Variants in FGF12 observed in about 807,000 individuals in gnomAD.
FGF12 encodes the protein fibroblast growth factor 12, also known as fibroblast growth factor 12B.
A neutral mutation model predicts 23.6 loss-of-function variants in FGF12; 14 were observed. The ratio of observed to expected loss-of-function variants is 0.59; its 90% CI spans 0.39 to 0.93. The LOEUF (loss-of-function observed/expected upper bound fraction) is 0.93, where lower values mean the gene tolerates loss of function less well. FGF12 is among the 40% of genes least tolerant of loss of function. The probability of loss-of-function intolerance (pLI) is 0.00; values close to 1 mark genes in which losing one functional copy is unlikely to be tolerated. For synonymous variants in FGF12, 62 were observed against 77.3 expected, an observed-to-expected ratio of 0.80 and a Z score of 1.04; for missense variants, 175 against 217.8, an observed-to-expected ratio of 0.80 and a Z score of 1.24.
At chr3:192,347,426 G>A (rs1718015691) in intron 3 of FGF12, among the ~76,000 whole-genome samples, 1 of 152,166 alleles carries the variant, frequency 6.6e-6, no homozygotes, top group African/African-American at 2.4e-5. Context: ...GGTTCTCAAA[G>A]TGTGGTCCTC....
chr3:192,405,805 GATTA>G (rs1720935277), intron 2 of FGF12, among the ~76,000 whole-genome samples: 1 of 152,198 alleles, frequency 6.6e-6, no homozygotes, highest in South Asian at 2.1e-4. Flanking sequence ...CAAATCAACA[GATTA>G]ATTATTTGGC....
intron 2 of FGF12, among the ~76,000 whole-genome samples, chr3:192,684,869 G>A (rs1717674622): frequency 6.6e-6 from 1 of 151,994 alleles, no homozygotes; most frequent in Non-Finnish European, 1.5e-5. Context: ...TATTAACCCA[G>A]GGCAGATAGT....
rs147604619 is a variant in FGF12 at position 192,627,976 on chromosome 3, A to C, written c.13+99205T>G. 8.5e-3 allele frequency among the ~76,000 whole-genome samples: 1,287 copies of C among 152,114 alleles called. 20 individuals carry two copies. The highest frequency in any genetic ancestry group is 0.03 in the African/African-American group (1,254 of 41,528). On this transcript the variant is annotated intron_variant, in intron 2 of 5. Coordinates refer to ENST00000445105, the MANE Select transcript of FGF12 (RefSeq NM_004113.6). ...CAGGTATCTTTTATGTTGCCCTTTT[A>C]TAAACATACTCTCCTTTCCTTTTCC...
At chr3:192,384,214 T>G (rs1334123600) in intron 2 of FGF12, among the ~76,000 whole-genome samples, 1 of 152,058 alleles carries the variant, frequency 6.6e-6, no homozygotes, top group African/African-American at 2.4e-5. Context: ...TAGAAAAAGA[T>G]GAGGTAGAAG....
At chr3:192,702,980 C>A (rs1049963798) in intron 2 of FGF12, among the ~76,000 whole-genome samples, 1 of 152,042 alleles carries the variant, frequency 6.6e-6, no homozygotes, top group Non-Finnish European at 1.5e-5. Flanking sequence ...AAACTGATTA[C>A]CAAAAGATGG....
chr3:192,600,803 G>T (rs960784494), intron 2 of FGF12, among the ~76,000 whole-genome samples: 1 of 152,052 alleles, frequency 6.6e-6, no homozygotes, highest in African/African-American at 2.4e-5. Context: ...AATAACAAAT[G>T]CTGGCAGGGA....
At chr3:192,450,782 G>A (rs762526359) in intron 2 of FGF12, among the ~76,000 whole-genome samples, 3 of 152,174 alleles carry the variant, frequency 2.0e-5, no homozygotes, top group Non-Finnish European at 2.9e-5. Flanking sequence ...TTTAGCCTCC[G>A]TATCTAATTG....
chr3:192,350,677 C>G (rs996166597), intron 3 of FGF12, among the ~76,000 whole-genome samples: 3 of 152,102 alleles, frequency 2.0e-5, no homozygotes, highest in Middle Eastern at 3.4e-3. Context: ...GTTTGAGGAA[C>G]AGCAAGATGG....
intron 2 of FGF12, among the ~76,000 whole-genome samples, chr3:192,490,969 T>A (rs1000857125): frequency 1.3e-5 from 2 of 152,142 alleles, no homozygotes; most frequent in African/African-American, 4.8e-5. Flanking sequence ...ATGGTTGTGT[T>A]CACTCTGTGA....
intron 2 of FGF12, among the ~76,000 whole-genome samples, chr3:192,424,221 A>G (rs1721623090): frequency 6.6e-6 from 1 of 152,170 alleles, no homozygotes; most frequent in Admixed American, 6.6e-5. Context: ...ATTCCTTAGA[A>G]CAGTAGGAAT....
chr3:192,700,402 T>A (rs1419729323), intron 2 of FGF12, among the ~76,000 whole-genome samples: 2 of 152,188 alleles, frequency 1.3e-5, no homozygotes, highest in Non-Finnish European at 2.9e-5. Context: ...GAATTTTACT[T>A]AGCAATAAAA....
At chr3:192,552,481 T>C (rs1028271387) in intron 2 of FGF12, among the ~76,000 whole-genome samples, 17 of 152,156 alleles carry the variant, frequency 1.1e-4, no homozygotes, top group African/African-American at 4.1e-4. Flanking sequence ...TGACTGAGTA[T>C]ATTATAATCA....
intron 2 of FGF12, among the ~76,000 whole-genome samples, chr3:192,648,766 T>A (rs370601866): frequency 9.8e-5 from 15 of 152,310 alleles, no homozygotes; most frequent in African/African-American, 3.6e-4. Context: ...AAAGACTTTT[T>A]AAACAATGCT....
At chr3:192,384,096 C>T (rs911730935) in intron 2 of FGF12, among the ~76,000 whole-genome samples, 1 of 152,028 alleles carries the variant, frequency 6.6e-6, no homozygotes, top group Non-Finnish European at 1.5e-5. Flanking sequence ...CAAGAAGTCA[C>T]ATAAATGAGG....
At chr3:192,543,458 G>A (rs182022883) in intron 2 of FGF12, among the ~76,000 whole-genome samples, 26 of 152,158 alleles carry the variant, frequency 1.7e-4, no homozygotes, top group African/African-American at 5.8e-4. Context: ...CAAGAACCAA[G>A]GCCCAAAATG....
chr3:192,272,879 A>T (rs544862994), intron 4 of FGF12, among the ~76,000 whole-genome samples: 1 of 152,296 alleles, frequency 6.6e-6, no homozygotes, highest in South Asian at 2.1e-4. Context: ...TCACTTACAC[A>T]ACCTGTTTTA....
intron 2 of FGF12, among the ~76,000 whole-genome samples, chr3:192,487,796 AT>A (rs1257730280): frequency 1.2e-4 from 19 of 152,102 alleles, no homozygotes; most frequent in Non-Finnish European, 2.8e-4. Flanking sequence ...AAAGTATGCA[AT>A]TTAGTCAAAT....
chr3:192,229,137 A>G (rs1718887847), intron 4 of FGF12, among the ~76,000 whole-genome samples: 2 of 151,996 alleles, frequency 1.3e-5, no homozygotes, highest in East Asian at 1.9e-4. Flanking sequence ...GATGCACTAT[A>G]AATTTTATGG....
chr3:192,468,750 T>G (rs1454406368), intron 2 of FGF12, among the ~76,000 whole-genome samples: 1 of 149,458 alleles, frequency 6.7e-6, no homozygotes, highest in Non-Finnish European at 1.5e-5. Flanking sequence ...ACTCCGAGCC[T>G]CTACAAATAT....
Sources: allele counts gnomAD v4.1 joint callset (sites outside exome capture counted in the v4.1 genomes callset), GRCh38; gene constraint gnomAD v4.1.1; transcripts MANE v1.5; gene names NCBI Gene and HGNC (gene_info 2026-07-23, HGNC 2026-07-21).